The following PLEKHH2 variants were observed in gnomAD, a reference collection of about 807,000 sequenced individuals.
PLEKHH2 encodes the protein pleckstrin homology domain-containing family H member 2.
A neutral mutation model predicts 187.9 loss-of-function variants in PLEKHH2; 129 were observed. The observed-to-expected ratio is 0.69, with a 90% CI of 0.59 to 0.79. The LOEUF (loss-of-function observed/expected upper bound fraction) is 0.79. Among genes scored for constraint, PLEKHH2 ranks in the 30% least tolerant of loss-of-function variants. PLEKHH2 has a pLI of 0.00. For synonymous variants in PLEKHH2, 686 were observed against 605.6 expected (o/e 1.13, Z -1.95); for missense variants, 2,076 against 1,751.2 (o/e 1.19, Z -3.31).
chr2:43,740,843 GT>G, intron 20 of PLEKHH2, 102 bp from the exon 21 acceptor site: 5 of 1,469,236 alleles, frequency 3.4e-6, no homozygotes, highest in South Asian at 1.5e-5. Flanking sequence ...GAAGCAAAAC[GT>G]TTTTGGGTTA....
chr2:43,725,037 G>A (rs1238504074), intron 16 of PLEKHH2, among the ~76,000 whole-genome samples: 5 of 152,170 alleles, frequency 3.3e-5, no homozygotes, highest in Non-Finnish European at 7.4e-5. Context: ...GTCCCGAGTG[G>A]GTTGCCAATT....
intron 3 of PLEKHH2, 76 bp from the exon 4 acceptor site, chr2:43,692,438 A>T: frequency 8.4e-7 from 1 of 1,195,250 alleles, no homozygotes; most frequent in African/African-American, 1.5e-5. Context: ...ACATAATATT[A>T]AGGTAAAATT....
intron 1 of PLEKHH2, among the ~76,000 whole-genome samples, chr2:43,639,068 A>G (rs2104307880): frequency 6.6e-6 from 1 of 152,336 alleles, no homozygotes; most frequent in African/African-American, 2.4e-5. Context: ...TGCGCTAGGT[A>G]AGATATATGT....
rs1233158411 is a variant in PLEKHH2 at position 43,710,126 on chromosome 2, T to C, written c.2103T>C (p.Asn701=). The change falls in exon 12 of 30, where the codon AAT becomes AAC. Residue 701 remains asparagine (N), a splice_region_variant and synonymous_variant. Coordinates refer to ENST00000282406, the MANE Select transcript of PLEKHH2 (RefSeq NM_172069.4). The part of the protein sequence containing the change: ...TCSSSSDNGK[N]EPLEKSGYLL... The stretch of plus-strand genomic sequence containing the variant: ...CATCTTCCAGTGATAATGGGAAAAA[T>C]GTAAATATTGAATATGATTTTTAAA... The C allele has an allele frequency of 6.2e-7, 1 of 1,611,284 alleles. No homozygotes were observed. Among genetic ancestry groups the C allele is most frequent in the Admixed American group, 1.7e-5 (1 of 59,262 alleles).
chr2:43,742,660 C>G, intron 21 of PLEKHH2, 81 bp from the exon 22 acceptor site: 1 of 1,083,546 alleles, frequency 9.2e-7, no homozygotes, highest in Non-Finnish European at 1.3e-6. Context: ...ATAATGTACA[C>G]GGATGCTTTC....
rs1666108063 is a variant in PLEKHH2, at chr2:43,644,760, T to C, written c.87T>C (p.Val29=). 1 of 1,609,734 alleles carries C rather than the reference T, an allele frequency of 6.2e-7. No individual in the cohort carries two copies. Among genetic ancestry groups the C allele is most frequent in the South Asian group, 1.1e-5 (1 of 90,612 alleles). ...AGTCCCAACTCATGAAATTTAGAGTTCAAGCAAGCAAGATACGAGAGCTTT... is the reference window on the plus strand; with the variant it reads ...AGTCCCAACTCATGAAATTTAGAGTCCAAGCAAGCAAGATACGAGAGCTTT... ...ALESQLMKFR[V]QASKIRELLA... is the part of the protein sequence containing the mutation. The change falls in exon 2 of 30, where the codon GTT becomes GTC. Residue 29 remains valine, a synonymous_variant. Coordinates refer to ENST00000282406, the MANE Select transcript of PLEKHH2 (RefSeq NM_172069.4).
intron 2 of PLEKHH2, among the ~76,000 whole-genome samples, chr2:43,677,821 C>T (rs1284688822): frequency 2.8e-4 from 40 of 144,826 alleles, no homozygotes; most frequent in East Asian, 6.4e-4. Flanking sequence ...GCTGGCTGGG[C>T]GGGGGGCTGA....
At chr2:43,726,155 A>G in intron 16 of PLEKHH2, 117 bp from the exon 17 acceptor site, 1 of 740,142 alleles carries the variant, frequency 1.4e-6, no homozygotes, top group Non-Finnish European at 2.1e-6. Context: ...AATAAAAAAT[A>G]AAGTAAAATT....
chr2:43,710,522 G>A lies in PLEKHH2; in HGVS notation c.2248G>A (p.Glu750Lys). 6.3e-7 allele frequency: 1 copy of A among 1,591,178 alleles called. No individual in the cohort carries two copies. ...AATTAGAAAACCCCAGGGCCATATT[G>A]AACTTAGTGCATCCTGTAGTATTTT... ...DVIRKPQGHI[E>K]LSASCSILRG... The change falls in exon 14 of 30, where the codon GAA becomes AAA. Residue 750 changes from glutamate (E) to lysine (K), a missense_variant. Physicochemically the swap from Glu to Lys is moderately conservative, Grantham distance 56. Coordinates refer to ENST00000282406, the MANE Select transcript of PLEKHH2 (RefSeq NM_172069.4).
At chr2:43,682,457 C>G (rs546937564) in intron 3 of PLEKHH2, among the ~76,000 whole-genome samples, 1 of 152,044 alleles carries the variant, frequency 6.6e-6, no homozygotes, top group Non-Finnish European at 1.5e-5. Flanking sequence ...TAGGCACCCA[C>G]CACCACGCCT....
chr2:43,697,078 A>C (rs1196574989), intron 6 of PLEKHH2, 93 bp from the exon 7 acceptor site: 4 of 1,032,636 alleles, frequency 3.9e-6, no homozygotes, highest in Non-Finnish European at 5.5e-6. Context: ...TGGCATAAAG[A>C]GTGATTTGTT....
rs149193560 is a variant in PLEKHH2, at chr2:43,708,391, T to C, written c.1966+846T>C. Among the ~76,000 whole-genome samples the C allele has an allele frequency of 3.3e-4, 50 of 152,306 alleles. No individual in the cohort carries two copies. In the East Asian group the frequency reaches 9.5e-3, roughly 29 times the overall value. The stretch of plus-strand genomic sequence containing the variant: ...CTGTTCTGAGACATGCCAGGCATGC[T>C]TGCATTTCAGGACCTTGGCACTGCT... On this transcript the variant is annotated intron_variant, in intron 11 of 29. Transcript: ENST00000282406.
In PLEKHH2 at chr2:43,760,421, G is replaced by A. The variant is rs952247430; in HGVS notation, c.4071+1392G>A. On this transcript the variant is annotated intron_variant, in intron 27 of 29. Transcript: ENST00000282406. The stretch of plus-strand genomic sequence containing the variant: ...TCTGTCACCCAGACTGGAGTGCAGT[G>A]GTGCAATCTTGACTCACTGCAACCT... Among the ~76,000 whole-genome samples the A allele has an allele frequency of 4.3e-5, 6 of 139,016 alleles. No individual in the cohort carries two copies. The East Asian group carries it at 1.2e-3, about 29-fold the overall frequency. The allele number at this position is 139,016 out of a possible 152,430, so 91.2% of individuals were successfully genotyped here. A position where few individuals can be genotyped will look rare whatever the true frequency, so the allele number is the denominator to read the frequency against.
rs151041121 is a variant in PLEKHH2 at position 43,720,511 on chromosome 2, A to T, written c.2461-158A>T. 9.2e-5 allele frequency among the ~76,000 whole-genome samples: 14 copies of T among 152,286 alleles called. No individual in the cohort carries two copies. The East Asian group carries it at 2.7e-3, about 29-fold the overall frequency. ...TATGTCCATGTGTGCTCAATGTGTG[A>T]CAGGTACATCTTAAACAGCACTGGA... is the stretch of plus-strand genomic sequence containing the variant. On this transcript the variant is annotated intron_variant, in intron 15 of 29. Coordinates refer to ENST00000282406, the MANE Select transcript of PLEKHH2 (RefSeq NM_172069.4).
At chr2:43,748,717 C>T (rs1316222497) in intron 24 of PLEKHH2, among the ~76,000 whole-genome samples, 1 of 152,058 alleles carries the variant, frequency 6.6e-6, no homozygotes, top group Non-Finnish European at 1.5e-5. Context: ...AGCTCCTGGA[C>T]CTGGCCTGCC....
In PLEKHH2 at chr2:43,754,198, ACACAC is replaced by A. The variant is rs1159466061; in HGVS notation, c.3795+439_3795+443del. On this transcript the variant is annotated intron_variant, in intron 25 of 29. Coordinates refer to ENST00000282406, the MANE Select transcript of PLEKHH2 (RefSeq NM_172069.4). ...CACACACACACACACACACACACAC[ACACAC>A]ACAAAATTAATACTGACTTAATCAG... Among the ~76,000 whole-genome samples, 85 of 132,506 alleles carry A rather than the reference ACACAC, an allele frequency of 6.4e-4. 1 individual carries two copies. The highest frequency in any genetic ancestry group is 2.3e-3 in the African/African-American group (71 of 31,124). 86.9% of individuals were successfully genotyped at this position (132,506 alleles called of 152,430 possible).
At chr2:43,728,956 A>G (rs1473075061) in intron 17 of PLEKHH2, among the ~76,000 whole-genome samples, 3 of 152,240 alleles carry the variant, frequency 2.0e-5, no homozygotes, top group East Asian at 1.9e-4. Flanking sequence ...TAGCTGTCAC[A>G]GTATTTTTTA....
intron 2 of PLEKHH2, among the ~76,000 whole-genome samples, chr2:43,647,117 T>A (rs888355724): frequency 6.6e-6 from 1 of 152,186 alleles, no homozygotes; most frequent in African/African-American, 2.4e-5. Flanking sequence ...ATAAGCTCTG[T>A]ATAGGTATGG....
chr2:43,718,905 C>A (rs1189016786), intron 15 of PLEKHH2, among the ~76,000 whole-genome samples: 1 of 152,134 alleles, frequency 6.6e-6, no homozygotes, highest in Non-Finnish European at 1.5e-5. Flanking sequence ...ATCCATCAAA[C>A]CGTTAGGTGG....
Sources: allele counts gnomAD v4.1 joint callset (sites outside exome capture counted in the v4.1 genomes callset), GRCh38; gene constraint gnomAD v4.1.1; transcripts MANE v1.5; gene names NCBI Gene and HGNC (gene_info 2026-07-23, HGNC 2026-07-21).